H2BC14: variants seen among roughly 807,000 people sequenced by gnomAD.
H2BC14 encodes the protein H2B clustered histone 14, also known as histone H2B type 1-M.
A neutral mutation model predicts 6.3 loss-of-function variants in H2BC14; 17 were observed. The ratio of observed to expected loss-of-function variants is 2.70; its 90% CI spans 1.84 to 4.04. The LOEUF (loss-of-function observed/expected upper bound fraction) is 4.04. Ranked by LOEUF, H2BC14 falls within the 30% of genes most tolerant of loss-of-function variation. The probability of loss-of-function intolerance (pLI) is 0.00; values close to 1 mark genes in which losing one functional copy is unlikely to be tolerated. For missense variants in H2BC14, 235 were observed against 165.1 expected (o/e 1.42, Z -2.32); for synonymous variants, 131 against 69.0 (o/e 1.90, Z -4.45).
rs1303948079 is a variant in H2BC14 at position 27,815,144 on chromosome 6, G to A, written c.101G>A (p.Arg34His). The A allele has an allele frequency of 3.1e-6, 5 of 1,614,080 alleles. No individual in the cohort carries two copies. Among genetic ancestry groups the A allele is most frequent in the Non-Finnish European group, 4.2e-6 (5 of 1,180,042 alleles). ...KKDGKKRKRS[R>H]KESYSVYVYK... is the part of the protein sequence containing the mutation. Reference sequence around the variant, plus strand: ...GATGGAAAGAAGCGCAAACGCAGCCGCAAGGAGAGCTACTCTGTGTATGTG... The same window carrying A: ...GATGGAAAGAAGCGCAAACGCAGCCACAAGGAGAGCTACTCTGTGTATGTG... Residue 34 changes from arginine to histidine, a missense_variant, in exon 1 of 1, where the codon CGC (arginine) becomes CAC (histidine). Coordinates refer to ENST00000621112, the MANE Select transcript of H2BC14 (RefSeq NM_003521.3).
rs1561926179 is a variant in H2BC14, at chr6:27,815,335, G to T, written c.292G>T (p.Ala98Ser). ...STITSREIQT[A>S]VRLLLPGELA... is the part of the protein sequence containing the mutation. ...CATCACTTCGAGGGAGATCCAGACG[G>T]CCGTGCGCCTACTGCTACCCGGGGA... The change falls in exon 1 of 1, where the codon GCC (alanine) becomes TCC (serine). Residue 98 changes from alanine to serine, a missense_variant. Transcript: ENST00000621112. 6.2e-7 allele frequency: 1 copy of T among 1,614,238 alleles called. No homozygotes were observed. Among genetic ancestry groups the T allele is most frequent in the Non-Finnish European group, 8.5e-7 (1 of 1,180,044 alleles).
Position 27,815,310 on chromosome 6 carries a change from C to T in H2BC14, c.267C>T (p.Thr89=). ...TGGCGCATTACAACAAGCGCTCGAC[C>T]ATCACTTCGAGGGAGATCCAGACGG... ...SRLAHYNKRS[T]ITSREIQTAV... is the part of the protein sequence containing the mutation. The change falls in exon 1 of 1, where the codon ACC becomes ACT. Residue 89 remains threonine, a synonymous_variant. Transcript: ENST00000621112. 6.2e-7 allele frequency: 1 copy of T among 1,614,232 alleles called. No homozygotes were observed. The highest frequency in any genetic ancestry group is 8.5e-7 in the Non-Finnish European group (1 of 1,180,042).
chr6:27,815,027 T>C lies in H2BC14; in HGVS notation c.-17T>C. 2 of 1,572,928 alleles carry C rather than the reference T, an allele frequency of 1.3e-6. No homozygotes were observed. The highest frequency in any genetic ancestry group is 8.6e-7 in the Non-Finnish European group (1 of 1,164,306). The stretch of plus-strand genomic sequence containing the variant: ...GACGAAACAGCCCTAAGGTTGTCTT[T>C]TATTTTGTTTTCCACCATGCCTGAA... On this transcript the variant is annotated 5_prime_UTR_variant, in exon 1 of 1. Transcript: ENST00000621112.
chr6:27,815,379 G>T lies in H2BC14; in HGVS notation c.336G>T (p.Val112=), dbSNP rs140856832. Residue 112 remains valine, a synonymous_variant, in exon 1 of 1, where the codon GTG becomes GTT. Coordinates refer to ENST00000621112, the MANE Select transcript of H2BC14 (RefSeq NM_003521.3). The part of the protein sequence containing the change: ...LLPGELAKHA[V]SEGTKAVTKY... ...CCGGGGAATTGGCCAAGCACGCCGT[G>T]TCCGAGGGCACCAAGGCCGTCACCA... The T allele has an allele frequency of 3.7e-6, 6 of 1,614,070 alleles. No individual in the cohort carries two copies. Among genetic ancestry groups the T allele is most frequent in the Non-Finnish European group, 5.1e-6 (6 of 1,180,042 alleles).
At position 27,815,297 on chromosome 6, in the gene H2BC14, A is replaced by G. The variant is rs763455342; in HGVS notation, c.254A>G (p.Asn85Ser). Residue 85 changes from asparagine to serine, a missense_variant, in exon 1 of 1, where the codon AAC becomes AGC. Transcript: ENST00000621112. ...GAAGCGTCACGCCTGGCGCATTACA[A>G]CAAGCGCTCGACCATCACTTCGAGG... ...AGEASRLAHY[N>S]KRSTITSREI... The G allele has an allele frequency of 6.2e-7, 1 of 1,614,244 alleles. No individual in the cohort carries two copies. The highest frequency in any genetic ancestry group is 8.5e-7 in the Non-Finnish European group (1 of 1,180,042).
Position 27,815,425 on chromosome 6 carries a change from G to C in H2BC14, c.*1G>C. ...CACCAAGTATACCAGCTCCAAGTGA[G>C]CCTCTCGCTGCAGTAACAGTTCCGC... On this transcript the variant is annotated 3_prime_UTR_variant, in exon 1 of 1. Coordinates refer to ENST00000621112, the MANE Select transcript of H2BC14 (RefSeq NM_003521.3). 1.9e-6 allele frequency: 3 copies of C among 1,613,082 alleles called. No homozygotes were observed. Among genetic ancestry groups the C allele is most frequent in the Non-Finnish European group, 2.5e-6 (3 of 1,179,468 alleles).
chr6:27,815,041 A>G lies in H2BC14; in HGVS notation c.-3A>G, dbSNP rs1272916335. 1 of 1,584,022 alleles carries G rather than the reference A, an allele frequency of 6.3e-7. No homozygotes were observed. The highest frequency in any genetic ancestry group is 1.2e-5 in the South Asian group (1 of 86,750). ...AAGGTTGTCTTTTATTTTGTTTTCC[A>G]CCATGCCTGAACCAGTCAAATCTGC... On this transcript the variant is annotated 5_prime_UTR_variant, in exon 1 of 1. Coordinates refer to ENST00000621112, the MANE Select transcript of H2BC14 (RefSeq NM_003521.3).
rs1760646863 is a variant in H2BC14 at position 27,815,298 on chromosome 6, C to G, written c.255C>G (p.Asn85Lys). The G allele has an allele frequency of 6.2e-7, 1 of 1,614,138 alleles. No homozygotes were observed. The highest frequency in any genetic ancestry group is 8.5e-7 in the Non-Finnish European group (1 of 1,180,048). Residue 85 changes from asparagine to lysine, a missense_variant, in exon 1 of 1, where the codon AAC (asparagine) becomes AAG (lysine). Physicochemically the swap from Asn to Lys is moderately conservative, Grantham distance 94. Transcript: ENST00000621112. ...AAGCGTCACGCCTGGCGCATTACAA[C>G]AAGCGCTCGACCATCACTTCGAGGG... ...AGEASRLAHY[N>K]KRSTITSREI...
Position 27,815,300 on chromosome 6 carries a change from A to G in H2BC14, c.257A>G (p.Lys86Arg), listed in dbSNP as rs764383844. 8.1e-6 allele frequency: 13 copies of G among 1,614,198 alleles called. No homozygotes were observed. Among genetic ancestry groups the G allele is most frequent in the Middle Eastern group, 1.6e-4 (1 of 6,062 alleles). The part of the protein sequence containing the change: ...GEASRLAHYN[K>R]RSTITSREIQ... ...GCGTCACGCCTGGCGCATTACAACA[A>G]GCGCTCGACCATCACTTCGAGGGAG... The change falls in exon 1 of 1, where the codon AAG becomes AGG. Residue 86 changes from lysine to arginine, a missense_variant. Coordinates refer to ENST00000621112, the MANE Select transcript of H2BC14 (RefSeq NM_003521.3).
Position 27,815,462 on chromosome 6 carries a change from C to G in H2BC14, c.*38C>G, listed in dbSNP as rs767361601. On this transcript the variant is annotated 3_prime_UTR_variant, in exon 1 of 1. Transcript: ENST00000621112. Reference sequence around the variant, plus strand: ...AGTAACAGTTCCGCCGTGACCCACACCCCAAAGGCTCTTTTCAGAGCCGTC... The same window carrying G: ...AGTAACAGTTCCGCCGTGACCCACAGCCCAAAGGCTCTTTTCAGAGCCGTC... 1 of 1,605,792 alleles carries G rather than the reference C, an allele frequency of 6.2e-7. No homozygotes were observed. The highest frequency in any genetic ancestry group is 1.7e-4 in the Middle Eastern group (1 of 6,004).
Position 27,815,340 on chromosome 6 carries a change from G to A in H2BC14, c.297G>A (p.Val99=). ...CTTCGAGGGAGATCCAGACGGCCGT[G>A]CGCCTACTGCTACCCGGGGAATTGG... ...TITSREIQTA[V]RLLLPGELAK... Residue 99 remains valine, a synonymous_variant, in exon 1 of 1, where the codon GTG becomes GTA. Transcript: ENST00000621112. 1.9e-6 allele frequency: 3 copies of A among 1,614,222 alleles called. No homozygotes were observed. The highest frequency in any genetic ancestry group is 1.1e-5 in the South Asian group (1 of 91,088).
chr6:27,815,254 TTTGAGCGTATC>T lies in H2BC14; in HGVS notation c.212_222del (p.Phe71CysfsTer59). On this transcript the variant is annotated frameshift_variant, in exon 1 of 1. Coordinates refer to ENST00000621112, the MANE Select transcript of H2BC14 (RefSeq NM_003521.3). LOFTEE classifies it high-confidence loss of function. The stretch of plus-strand genomic sequence containing the variant: ...CATGAACTCCTTCGTCAACGACATC[TTTGAGCGTATC>T]GCCGGAGAAGCGTCACGCCTGGCGC... 1.2e-6 allele frequency: 2 copies of T among 1,614,222 alleles called. No homozygotes were observed. Among genetic ancestry groups the T allele is most frequent in the Non-Finnish European group, 1.7e-6 (2 of 1,180,034 alleles).
chr6:27,815,024 CT>C lies in H2BC14; in HGVS notation c.-16del, dbSNP rs763474212. The stretch of plus-strand genomic sequence containing the variant: ...GAGGACGAAACAGCCCTAAGGTTGT[CT>C]TTTATTTTGTTTTCCACCATGCCTG... On this transcript the variant is annotated 5_prime_UTR_variant, in exon 1 of 1. Coordinates refer to ENST00000621112, the MANE Select transcript of H2BC14 (RefSeq NM_003521.3). 3 of 1,571,624 alleles carry C rather than the reference CT, an allele frequency of 1.9e-6. No individual in the cohort carries two copies. The highest frequency in any genetic ancestry group is 2.6e-6 in the Non-Finnish European group (3 of 1,163,572).
chr6:27,815,387 G>T lies in H2BC14; in HGVS notation c.344G>T (p.Gly115Val). The T allele has an allele frequency of 6.2e-7, 1 of 1,614,126 alleles. No homozygotes were observed. The highest frequency in any genetic ancestry group is 8.5e-7 in the Non-Finnish European group (1 of 1,180,024). Reference sequence around the variant, plus strand: ...TTGGCCAAGCACGCCGTGTCCGAGGGCACCAAGGCCGTCACCAAGTATACC... The same window carrying T: ...TTGGCCAAGCACGCCGTGTCCGAGGTCACCAAGGCCGTCACCAAGTATACC... ...GELAKHAVSE[G>V]TKAVTKYTSS... The change falls in exon 1 of 1, where the codon GGC (glycine) becomes GTC (valine). Residue 115 changes from glycine (G) to valine (V), a missense_variant. Coordinates refer to ENST00000621112, the MANE Select transcript of H2BC14 (RefSeq NM_003521.3).
chr6:27,815,444 G>A lies in H2BC14; in HGVS notation c.*20G>A, dbSNP rs201271927. The A allele has an allele frequency of 2.5e-6, 4 of 1,612,582 alleles. No homozygotes were observed. In the African/African-American group the frequency reaches 4.0e-5, roughly 16 times the overall value. On this transcript the variant is annotated 3_prime_UTR_variant, in exon 1 of 1. Coordinates refer to ENST00000621112, the MANE Select transcript of H2BC14 (RefSeq NM_003521.3). ...AAGTGAGCCTCTCGCTGCAGTAACA[G>A]TTCCGCCGTGACCCACACCCCAAAG...
Position 27,815,030 on chromosome 6 carries a change from T to A in H2BC14, c.-14T>A, listed in dbSNP as rs375257531. On this transcript the variant is annotated 5_prime_UTR_variant, in exon 1 of 1. Coordinates refer to ENST00000621112, the MANE Select transcript of H2BC14 (RefSeq NM_003521.3). ...GAAACAGCCCTAAGGTTGTCTTTTA[T>A]TTTGTTTTCCACCATGCCTGAACCA... 3.7e-5 allele frequency: 58 copies of A among 1,574,500 alleles called. 2 individuals carry two copies. Among genetic ancestry groups the A allele is most frequent in the East Asian group, 2.9e-4 (13 of 44,664 alleles).
Position 27,815,452 on chromosome 6 carries a change from G to C in H2BC14, c.*28G>C. The C allele has an allele frequency of 6.2e-7, 1 of 1,611,288 alleles. No individual in the cohort carries two copies. The highest frequency in any genetic ancestry group is 8.5e-7 in the Non-Finnish European group (1 of 1,179,014). On this transcript the variant is annotated 3_prime_UTR_variant, in exon 1 of 1. Transcript: ENST00000621112. ...CTCTCGCTGCAGTAACAGTTCCGCC[G>C]TGACCCACACCCCAAAGGCTCTTTT...
In H2BC14 at chr6:27,815,281, C is replaced by G; in HGVS notation, c.238C>G (p.Arg80Gly). ...IFERIAGEAS[R>G]LAHYNKRSTI... ...TGAGCGTATCGCCGGAGAAGCGTCA[C>G]GCCTGGCGCATTACAACAAGCGCTC... Residue 80 changes from arginine to glycine, a missense_variant, in exon 1 of 1, where the codon CGC becomes GGC. Transcript: ENST00000621112. The G allele has an allele frequency of 6.2e-7, 1 of 1,614,226 alleles. No individual in the cohort carries two copies. The highest frequency in any genetic ancestry group is 8.5e-7 in the Non-Finnish European group (1 of 1,180,040).
Position 27,815,257 on chromosome 6 carries a change from G to A in H2BC14, c.214G>A (p.Glu72Lys). The A allele has an allele frequency of 6.2e-7, 1 of 1,614,184 alleles. No homozygotes were observed. The highest frequency in any genetic ancestry group is 8.5e-7 in the Non-Finnish European group (1 of 1,180,050). ...GAACTCCTTCGTCAACGACATCTTT[G>A]AGCGTATCGCCGGAGAAGCGTCACG... Reference protein sequence around the residue: ...IMNSFVNDIFERIAGEASRLA... With the variant: ...IMNSFVNDIFKRIAGEASRLA... Residue 72 changes from glutamate (E) to lysine (K), a missense_variant, in exon 1 of 1, where the codon GAG (glutamate) becomes AAG (lysine). Transcript: ENST00000621112.
Sources: gnomAD v4.1 joint callset for allele counts on GRCh38, gnomAD v4.1.1 for gene constraint, MANE v1.5 for transcripts, NCBI Gene and HGNC (gene_info 2026-07-23, HGNC 2026-07-21) for gene names.